The following PDE4B variants were observed in gnomAD, a reference collection of about 807,000 sequenced individuals.
PDE4B encodes the protein 3',5'-cyclic-AMP phosphodiesterase 4B.
A neutral mutation model predicts 82.2 loss-of-function variants in PDE4B; 20 were observed. The ratio of observed to expected loss-of-function variants is 0.24; its 90% confidence interval spans 0.17 to 0.35. PDE4B has a LOEUF of 0.35. Ranked by LOEUF, PDE4B falls within the 10% of genes least tolerant of loss-of-function variation. The probability of loss-of-function intolerance (pLI) is 1.00; values close to 1 mark genes in which losing one functional copy is unlikely to be tolerated. For missense variants in PDE4B, 655 were observed against 907.2 expected, an observed-to-expected ratio of 0.72 and a Z score of 3.57; for synonymous variants, 320 against 318.9, an observed-to-expected ratio of 1.00 and a Z score of -0.04.
At chr1:66,096,159 G>A (rs966217186) in intron 3 of PDE4B, among the ~76,000 whole-genome samples, 1 of 151,546 alleles carries the variant, frequency 6.6e-6, no homozygotes, top group African/African-American at 2.4e-5. Context: ...AAAAATCTGT[G>A]CATATACCCT....
intron 3 of PDE4B, among the ~76,000 whole-genome samples, chr1:66,017,839 T>TCTCACTA (rs1652865412): frequency 6.8e-6 from 1 of 146,364 alleles, no homozygotes; most frequent in South Asian, 2.2e-4. Context: ...TTTTAAAAAA[T>TCTCACTA]ATATATATAT....
chr1:66,242,075 T>G (rs1173975271), intron 3 of PDE4B, among the ~76,000 whole-genome samples: 1 of 152,092 alleles, frequency 6.6e-6, no homozygotes, highest in African/African-American at 2.4e-5. Flanking sequence ...GTGAGAGAGA[T>G]AAGTAAACAC....
chr1:66,109,624 G>C (rs1444066750), intron 3 of PDE4B, among the ~76,000 whole-genome samples: 2 of 151,722 alleles, frequency 1.3e-5, no homozygotes, highest in Non-Finnish European at 2.9e-5. Context: ...GATTTTTCTA[G>C]CTCATAGCCC....
At chr1:66,029,392 T>A (rs12734198) in intron 3 of PDE4B, among the ~76,000 whole-genome samples, 38,038 of 152,024 alleles carry the variant, frequency 0.25, 5,487 homozygotes, top group Middle Eastern at 0.39. Context: ...AAACCATATC[T>A]GTATGTGATT....
chr1:66,177,886 GT>G (rs892079199), intron 3 of PDE4B, among the ~76,000 whole-genome samples: 3 of 151,818 alleles, frequency 2.0e-5, no homozygotes, highest in East Asian at 1.9e-4. Context: ...GGTGGGCATT[GT>G]TTTTTTTAGT....
intron 3 of PDE4B, among the ~76,000 whole-genome samples, chr1:66,078,995 T>G (rs1192305811): frequency 1.3e-5 from 2 of 152,126 alleles, no homozygotes; most frequent in Admixed American, 1.3e-4. Context: ...TACATGTAGA[T>G]ATAATGAATA....
chr1:66,152,563 T>G (rs1355660862), intron 3 of PDE4B: 2 of 276,320 alleles, frequency 7.2e-6, no homozygotes, highest in Non-Finnish European at 1.7e-5. Flanking sequence ...ATAAAATATA[T>G]ATATGATTAA....
At chr1:66,101,401 C>T (rs1013965715) in intron 3 of PDE4B, among the ~76,000 whole-genome samples, 7 of 152,164 alleles carry the variant, frequency 4.6e-5, no homozygotes, top group Non-Finnish European at 1.0e-4. Flanking sequence ...CTTGAGGCAT[C>T]ACCACACTGT....
At chr1:66,208,213 C>G (rs1056565467) in intron 3 of PDE4B, among the ~76,000 whole-genome samples, 1 of 152,044 alleles carries the variant, frequency 6.6e-6, no homozygotes, top group Non-Finnish European at 1.5e-5. Context: ...ATAATTGTAC[C>G]TTCTTGGAGC....
chr1:66,306,257 C>G (rs1287398990), intron 7 of PDE4B, among the ~76,000 whole-genome samples: 1 of 152,028 alleles, frequency 6.6e-6, no homozygotes. Context: ...TTATTTGATA[C>G]CTTTGAAAAC....
At chr1:65,879,469 CAT>C (rs1426189594) in intron 1 of PDE4B, among the ~76,000 whole-genome samples, 2 of 151,896 alleles carry the variant, frequency 1.3e-5, no homozygotes, top group African/African-American at 4.8e-5. Context: ...ACATATAAAA[CAT>C]AATTCTATAA....
intron 8 of PDE4B, among the ~76,000 whole-genome samples, chr1:66,341,675 C>A (rs2101954098): frequency 6.6e-6 from 1 of 152,296 alleles, no homozygotes; most frequent in South Asian, 2.1e-4. Context: ...CCCTTAACTT[C>A]TTTCTATTTC....
chr1:66,098,598 A>G (rs1645160922), intron 3 of PDE4B, among the ~76,000 whole-genome samples: 1 of 152,126 alleles, frequency 6.6e-6, no homozygotes, highest in Non-Finnish European at 1.5e-5. Flanking sequence ...GGCACTCTGC[A>G]TGGGTCTTCA....
chr1:66,096,515 T>C lies in PDE4B; in HGVS notation c.282-150945T>C, dbSNP rs952947965. Among the ~76,000 whole-genome samples the C allele has an allele frequency of 4.3e-4, 58 of 136,270 alleles. 2 individuals are homozygous for C. The South Asian group carries it at 6.1e-3, about 14-fold the overall frequency. 89.4% of individuals were successfully genotyped at this position (136,270 alleles called of 152,430 possible). On this transcript the variant is annotated intron_variant, in intron 3 of 16. Coordinates refer to ENST00000341517, the MANE Select transcript of PDE4B (RefSeq NM_002600.4). ...CGGTATAAGTAAAAAAAATTATATA[T>C]ATATATATATATATATATATATATA... is the stretch of plus-strand genomic sequence containing the variant.
intron 1 of PDE4B, among the ~76,000 whole-genome samples, chr1:65,896,901 G>T (rs75935916): frequency 8.5e-4 from 130 of 152,230 alleles, no homozygotes; most frequent in African/African-American, 3.1e-3. Context: ...CTCAAAAGCA[G>T]AGTTATGTAA....
At chr1:66,316,019 T>C (rs530564784) in intron 7 of PDE4B, among the ~76,000 whole-genome samples, 6 of 152,378 alleles carry the variant, frequency 3.9e-5, no homozygotes, top group African/African-American at 1.2e-4. Flanking sequence ...GCTGGCTACC[T>C]AGCCTATTCA....
At chr1:65,970,930 A>C (rs1650096736) in intron 3 of PDE4B, among the ~76,000 whole-genome samples, 1 of 151,696 alleles carries the variant, frequency 6.6e-6, no homozygotes, top group Non-Finnish European at 1.5e-5. Flanking sequence ...ACAGGACGGG[A>C]TCTTGGCTTG....
intron 3 of PDE4B, among the ~76,000 whole-genome samples, chr1:66,146,236 T>C (rs573454817): frequency 9.6e-4 from 122 of 127,476 alleles, no homozygotes; most frequent in African/African-American, 3.5e-3. Flanking sequence ...CAAACTGGAG[T>C]GCAGTGGCGC....
intron 1 of PDE4B, among the ~76,000 whole-genome samples, chr1:65,908,049 A>G (rs541352407): frequency 4.4e-4 from 67 of 152,208 alleles, no homozygotes; most frequent in African/African-American, 1.6e-3. Context: ...AGGTGGGGAG[A>G]GGAGGTGTTG....
Sources: gnomAD v4.1 joint callset for allele counts (sites outside exome capture counted in the v4.1 genomes callset) on GRCh38, gnomAD v4.1.1 for gene constraint, MANE v1.5 for transcripts, NCBI Gene and HGNC (gene_info 2026-07-23, HGNC 2026-07-21) for gene names.